EBF4: variants seen among roughly 807,000 people sequenced by gnomAD.
EBF4 encodes the protein EBF transcription factor 4.
A neutral mutation model predicts 67.1 loss-of-function variants in EBF4; 34 were observed. That is an observed-to-expected ratio of 0.51 (90% CI 0.39 to 0.67). The LOEUF (loss-of-function observed/expected upper bound fraction) is 0.67. EBF4 is among the 30% of genes least tolerant of loss of function. EBF4 has a pLI of 0.00. For synonymous variants in EBF4, 387 were observed against 377.7 expected, an observed-to-expected ratio of 1.02 and a Z score of -0.29; for missense variants, 837 against 873.3, an observed-to-expected ratio of 0.96 and a Z score of 0.52.
chr20:2,736,670 G>A (rs1247193292), intron 6 of EBF4, among the ~76,000 whole-genome samples: 1 of 152,134 alleles, frequency 6.6e-6, no homozygotes, highest in South Asian at 2.1e-4. Flanking sequence ...TTTCCCTCTT[G>A]CCACCTGAAT....
At chr20:2,734,810 A>G (rs920784816) in intron 6 of EBF4, among the ~76,000 whole-genome samples, 7 of 152,202 alleles carry the variant, frequency 4.6e-5, no homozygotes, top group Non-Finnish European at 4.4e-5. Flanking sequence ...TATGTGTGTT[A>G]AGACATGCCT....
At chr20:2,723,352 T>TA (rs895453564) in intron 6 of EBF4, among the ~76,000 whole-genome samples, 4 of 152,142 alleles carry the variant, frequency 2.6e-5, no homozygotes, top group African/African-American at 9.7e-5. Flanking sequence ...ATTTTTATTT[T>TA]TTTTTATTTT....
chr20:2,709,467 C>T, intron 5 of EBF4, 107 bp from the exon 6 acceptor site: 1 of 1,050,522 alleles, frequency 9.5e-7, no homozygotes, highest in Admixed American at 2.6e-5. Flanking sequence ...CACCCAGAGA[C>T]AGGACATCAG....
At chr20:2,750,704 C>T (rs1165247474) in intron 10 of EBF4, among the ~76,000 whole-genome samples, 2 of 152,116 alleles carry the variant, frequency 1.3e-5, no homozygotes, top group Non-Finnish European at 2.9e-5. Context: ...CAGTCTAACG[C>T]GGAAAGGCTG....
rs978301974 is a variant in EBF4, at chr20:2,749,681, C to T, written c.819C>T (p.Thr273=). 3.2e-6 allele frequency: 5 copies of T among 1,567,100 alleles called. No homozygotes were observed. The South Asian group carries it at 3.5e-5, about 11-fold the overall frequency. ...AGGGCTGGACCACGGGCGGCGCCACCGTCATTGTCATCGGCGACAACTTCT... is the reference window on the plus strand; with the variant it reads ...AGGGCTGGACCACGGGCGGCGCCACTGTCATTGTCATCGGCGACAACTTCT... The change falls in exon 9 of 17, where the codon ACC becomes ACT. Residue 273 remains threonine (T), a synonymous_variant. Coordinates refer to ENST00000609451, the Ensembl canonical transcript of EBF4.
chr20:2,698,399 A>G (rs2087326625), intron 1 of EBF4, among the ~76,000 whole-genome samples: 1 of 152,206 alleles, frequency 6.6e-6, no homozygotes, highest in Admixed American at 6.5e-5. Flanking sequence ...TATCTTCCCC[A>G]GTCTGCACCA....
chr20:2,749,749 G>A lies in EBF4; in HGVS notation c.887G>A (p.Ser296Asn), dbSNP rs765599879. The A allele has an allele frequency of 3.5e-6, 5 of 1,431,284 alleles. No individual in the cohort carries two copies. The South Asian group carries it at 6.7e-5, about 19-fold the overall frequency. 88.7% of individuals were successfully genotyped at this position (1,431,284 alleles called of 1,614,324 possible). Residue 296 changes from serine (S) to asparagine (N), a missense_variant, in exon 9 of 17, where the codon AGC becomes AAC. Ser to Asn is a conservative substitution (Grantham distance 46). Around this residue, in one of 3 missense-constraint regions of EBF4, gnomAD observed 525 missense variants for 496.5 expected, o/e 1.06. Coordinates refer to ENST00000609451, the Ensembl canonical transcript of EBF4. ...GTGTTCGGAAACGTGCTCGTGTGGA[G>A]CGAGGTGGGCCAACCCCGCCAGTCT... is the stretch of plus-strand genomic sequence containing the variant.
At position 2,693,916 on chromosome 20, in the gene EBF4, C is replaced by T. The variant is rs1871525860; in HGVS notation, c.137+134C>T. ...GACGGTCCCGGCGAGCTCCCCGGCC[C>T]ACCCCGTCCGGAGTGCCTGTGCTGC... On this transcript the variant is annotated intron_variant, in intron 1 of 16. Transcript: ENST00000609451. The surrounding 1 kb of genome is among the most constrained non-coding windows in gnomAD (Gnocchi z 4.6). 3 of 1,172,098 alleles carry T rather than the reference C, an allele frequency of 2.6e-6. No homozygotes were observed. The highest frequency in any genetic ancestry group is 3.2e-6 in the Non-Finnish European group (3 of 931,958). The allele number at this position is 1,172,098 out of a possible 1,614,324, so 72.6% of individuals were successfully genotyped here.
At chr20:2,717,692 A>C (rs552746065) in intron 6 of EBF4, among the ~76,000 whole-genome samples, 1 of 152,060 alleles carries the variant, frequency 6.6e-6, no homozygotes, top group African/African-American at 2.4e-5. Flanking sequence ...CATCTTATAC[A>C]AACAAATACT....
intron 6 of EBF4, among the ~76,000 whole-genome samples, chr20:2,710,565 T>G (rs904720052): frequency 3.8e-5 from 4 of 106,230 alleles, no homozygotes; most frequent in African/African-American, 2.9e-4. Context: ...CTGTACATGT[T>G]TTTTTTTTTT....
chr20:2,754,875 T>C (rs1490300682), intron 14 of EBF4, among the ~76,000 whole-genome samples: 1 of 150,472 alleles, frequency 6.6e-6, no homozygotes, highest in Non-Finnish European at 1.5e-5. Flanking sequence ...GCAGCCTGGG[T>C]GGCTAGGGAG....
chr20:2,695,334 G>A (rs2087273195), intron 1 of EBF4, among the ~76,000 whole-genome samples: 1 of 152,174 alleles, frequency 6.6e-6, no homozygotes, highest in East Asian at 1.9e-4. Flanking sequence ...GAAGGAGGCA[G>A]TGCCCTTGGA....
At chr20:2,742,124 C>G (rs1447288654) in intron 6 of EBF4, among the ~76,000 whole-genome samples, 1 of 152,188 alleles carries the variant, frequency 6.6e-6, no homozygotes, top group East Asian at 1.9e-4. Context: ...CTCTGAGAGC[C>G]CCACTTAGAA....
intron 6 of EBF4, among the ~76,000 whole-genome samples, chr20:2,732,506 T>C (rs1249828968): frequency 6.6e-6 from 1 of 152,276 alleles, no homozygotes; most frequent in East Asian, 1.9e-4. Flanking sequence ...TCTTTGTCTC[T>C]CATAATTTTT....
chr20:2,754,313 G>A (rs2088203689), intron 14 of EBF4, among the ~76,000 whole-genome samples: 1 of 152,102 alleles, frequency 6.6e-6, no homozygotes, highest in African/African-American at 2.4e-5. Context: ...GAGGCTCAGG[G>A]GCTGTTTGCT....
At chr20:2,729,748 CACATCCTATT>C (rs2087789846) in intron 6 of EBF4, among the ~76,000 whole-genome samples, 1 of 152,208 alleles carries the variant, frequency 6.6e-6, no homozygotes, top group Non-Finnish European at 1.5e-5. Context: ...AGTCCGTTTT[CACATCCTATT>C]ACACAAAGAG....
intron 6 of EBF4, among the ~76,000 whole-genome samples, chr20:2,727,141 A>G (rs1211501915): frequency 6.6e-6 from 1 of 152,174 alleles, no homozygotes; most frequent in East Asian, 1.9e-4. Flanking sequence ...ATTCCATTAT[A>G]TGTATATACC....
At chr20:2,708,539 C>T (rs1389554143) in intron 5 of EBF4, among the ~76,000 whole-genome samples, 1 of 152,122 alleles carries the variant, frequency 6.6e-6, no homozygotes, top group African/African-American at 2.4e-5. Context: ...GGAGGCAGTT[C>T]CTGATGCATG....
chr20:2,725,310 A>G (rs1451399602), intron 6 of EBF4, among the ~76,000 whole-genome samples: 2 of 152,010 alleles, frequency 1.3e-5, no homozygotes, highest in Admixed American at 6.6e-5. Context: ...CAAGTCATTA[A>G]TTATTTCTTT....
Sources: allele counts gnomAD v4.1 joint callset (sites outside exome capture counted in the v4.1 genomes callset), GRCh38; gene constraint gnomAD v4.1.1; regional missense constraint gnomAD v4.1.1; non-coding constraint Gnocchi (gnomAD v3.1); transcripts MANE v1.5; gene names NCBI Gene and HGNC (gene_info 2026-07-23, HGNC 2026-07-21).